Variants in KIAA1217 observed in about 807,000 individuals in gnomAD.
KIAA1217 encodes the protein KIAA1217.
A neutral mutation model predicts 163.9 loss-of-function variants in KIAA1217; 88 were observed. The ratio of observed to expected loss-of-function variants is 0.54; its 90% CI spans 0.45 to 0.64. The LOEUF (loss-of-function observed/expected upper bound fraction) is 0.64, where lower values mean the gene tolerates loss of function less well. KIAA1217 is among the 30% of genes least tolerant of loss of function. The pLI is 0.00. For synonymous variants in KIAA1217, 903 were observed against 923.1 expected, an observed-to-expected ratio of 0.98 and a Z score of 0.39; for missense variants, 2,372 against 2,475.0, an observed-to-expected ratio of 0.96 and a Z score of 0.88.
At chr10:24,284,049 A>G (rs1264822853) in intron 2 of KIAA1217, among the ~76,000 whole-genome samples, 4 of 151,902 alleles carry the variant, frequency 2.6e-5, no homozygotes, top group Non-Finnish European at 5.9e-5. Context: ...AGCAGGAACT[A>G]TAGGCACAGG....
chr10:24,019,077 G>T (rs908571010), intron 2 of KIAA1217, among the ~76,000 whole-genome samples: 2 of 152,004 alleles, frequency 1.3e-5, no homozygotes, highest in Non-Finnish European at 2.9e-5. Flanking sequence ...CACTTAAAAG[G>T]TACAAAGTTT....
At chr10:24,446,921 T>C (rs2132178515) in intron 5 of KIAA1217, among the ~76,000 whole-genome samples, 1 of 152,328 alleles carries the variant, frequency 6.6e-6, no homozygotes, top group East Asian at 1.9e-4. Flanking sequence ...TTTGTAATCA[T>C]GCCTGTGGTC....
chr10:24,544,869 T>C, intron 19 of KIAA1217, 112 bp from the exon 20 acceptor site: 1 of 1,173,632 alleles, frequency 8.5e-7, no homozygotes, highest in Non-Finnish European at 1.2e-6. Context: ...GTCCTGCATG[T>C]AGGGCTGTGG....
intron 8 of KIAA1217, among the ~76,000 whole-genome samples, chr10:24,500,272 G>A (rs1286915578): frequency 6.6e-6 from 1 of 150,826 alleles, no homozygotes; most frequent in Non-Finnish European, 1.5e-5. Context: ...GTGTGCGTGT[G>A]TGTGTGTGTC....
intron 1 of KIAA1217, among the ~76,000 whole-genome samples, chr10:23,896,889 C>CA (rs573516186): frequency 7.0e-4 from 106 of 152,124 alleles, no homozygotes; most frequent in African/African-American, 2.4e-3. Flanking sequence ...GGTGGTGGTT[C>CA]ACAAGTTCTA....
chr10:24,323,391 C>G (rs930781718), intron 2 of KIAA1217, among the ~76,000 whole-genome samples: 3 of 152,158 alleles, frequency 2.0e-5, no homozygotes, highest in African/African-American at 7.2e-5. Flanking sequence ...AGTGGCTAAC[C>G]AAATCAGGCA....
chr10:24,120,029 G>C (rs1004142496), intron 2 of KIAA1217, among the ~76,000 whole-genome samples: 1 of 152,170 alleles, frequency 6.6e-6, no homozygotes, highest in African/African-American at 2.4e-5. Context: ...TTTAGATACT[G>C]TCTGCCTCGA....
intron 6 of KIAA1217, among the ~76,000 whole-genome samples, chr10:24,484,170 T>C (rs1004992387): frequency 8.2e-5 from 12 of 146,400 alleles, no homozygotes; most frequent in Non-Finnish European, 1.3e-4. Flanking sequence ...TGTGTGTATA[T>C]ATATATAGAT....
chr10:24,292,196 T>C (rs1200391784), intron 2 of KIAA1217, among the ~76,000 whole-genome samples: 1 of 152,180 alleles, frequency 6.6e-6, no homozygotes, highest in African/African-American at 2.4e-5. Flanking sequence ...CCCCAGAGGA[T>C]TAAGTGGATG....
intron 2 of KIAA1217, among the ~76,000 whole-genome samples, chr10:24,174,833 G>C (rs939508329): frequency 6.6e-5 from 10 of 152,098 alleles, no homozygotes; most frequent in African/African-American, 2.4e-4. Context: ...ACAGTGTATA[G>C]TATACCCAAC....
intron 2 of KIAA1217, among the ~76,000 whole-genome samples, chr10:24,379,084 ATAT>A (rs1410300872): frequency 6.6e-6 from 1 of 151,900 alleles, no homozygotes. Flanking sequence ...GCTTAAAGTA[ATAT>A]TATTTCTTGG....
chr10:24,382,656 C>T (rs1384212634), intron 3 of KIAA1217, among the ~76,000 whole-genome samples: 2 of 151,784 alleles, frequency 1.3e-5, no homozygotes, highest in Non-Finnish European at 2.9e-5. Context: ...TAAGTGGCAG[C>T]AGTGGGAAGT....
In KIAA1217 at chr10:24,232,657, T is replaced by C. The variant is rs149981990; in HGVS notation, c.354+12748T>C. Among the ~76,000 whole-genome samples the C allele has an allele frequency of 1.3e-3, 196 of 152,286 alleles. 1 individual carries two copies. Among genetic ancestry groups the C allele is most frequent in the African/African-American group, 4.5e-3 (185 of 41,564 alleles). On this transcript the variant is annotated intron_variant, in intron 2 of 20. Transcript: ENST00000376454. ...AATGTGATTCAGTCCAGTGCATAGATGCAGAACTCATACTGCAAATGTCCA... is the reference window on the plus strand; with the variant it reads ...AATGTGATTCAGTCCAGTGCATAGACGCAGAACTCATACTGCAAATGTCCA...
At chr10:23,856,723 C>A (rs1839693156) in intron 1 of KIAA1217, among the ~76,000 whole-genome samples, 1 of 152,270 alleles carries the variant, frequency 6.6e-6, no homozygotes, top group African/African-American at 2.4e-5. Flanking sequence ...GGCAGGCGCC[C>A]CTCCCCCAGC....
At chr10:24,095,712 C>T (rs2062131696) in intron 2 of KIAA1217, among the ~76,000 whole-genome samples, 1 of 152,138 alleles carries the variant, frequency 6.6e-6, no homozygotes, top group African/African-American at 2.4e-5. Flanking sequence ...ACAAATTTAC[C>T]TCTCACACTG....
intron 2 of KIAA1217, among the ~76,000 whole-genome samples, chr10:24,053,648 A>T (rs1474908020): frequency 6.6e-6 from 1 of 152,204 alleles, no homozygotes; most frequent in Non-Finnish European, 1.5e-5. Context: ...AAAGAAAGAA[A>T]GAAACCTATT....
intron 2 of KIAA1217, among the ~76,000 whole-genome samples, chr10:24,374,959 A>AT (rs1288870699): frequency 6.6e-6 from 1 of 151,916 alleles, no homozygotes; most frequent in Non-Finnish European, 1.5e-5. Context: ...TAATTTTTTA[A>AT]TTTTTTGTAG....
At chr10:24,370,835 C>G (rs894630453) in intron 2 of KIAA1217, among the ~76,000 whole-genome samples, 2 of 152,182 alleles carry the variant, frequency 1.3e-5, no homozygotes, top group East Asian at 3.8e-4. Context: ...GCCTCAGCCT[C>G]TCAAAGTGCT....
chr10:24,367,246 C>A, intron 2 of KIAA1217: 1 of 747,618 alleles, frequency 1.3e-6, no homozygotes, highest in Non-Finnish European at 1.6e-6. Context: ...GCACCCTCAT[C>A]CTGCACCTTT....
Sources: gnomAD v4.1 joint callset for allele counts (sites outside exome capture counted in the v4.1 genomes callset) on GRCh38, gnomAD v4.1.1 for gene constraint, MANE v1.5 for transcripts, NCBI Gene and HGNC (gene_info 2026-07-23, HGNC 2026-07-21) for gene names.